The following CSMD3 variants were observed in gnomAD, a reference collection of about 807,000 sequenced individuals.
The protein encoded by CSMD3 is CUB and sushi domain-containing protein 3.
In CSMD3, 177 loss-of-function variants were observed where a neutral mutation model predicts 435.2. The ratio of observed to expected loss-of-function variants is 0.41; its 90% CI spans 0.36 to 0.46. CSMD3 has a LOEUF of 0.46. Among genes scored for constraint, CSMD3 ranks in the 20% least tolerant of loss-of-function variants. CSMD3 has a pLI of 0.34. For missense variants in CSMD3, 4,265 were observed against 4,504.6 expected (o/e 0.95, Z 1.52); for synonymous variants, 1,656 against 1,520.5 (o/e 1.09, Z -2.07).
At chr8:112,964,977 C>A (rs569779589) in intron 7 of CSMD3, among the ~76,000 whole-genome samples, 76 of 152,028 alleles carry the variant, frequency 5.0e-4, no homozygotes, top group South Asian at 3.7e-3. Flanking sequence ...TTTCACTCTG[C>A]GCACAGCAGG....
intron 28 of CSMD3, among the ~76,000 whole-genome samples, chr8:112,514,149 T>G (rs1447564159): frequency 6.6e-6 from 1 of 152,140 alleles, no homozygotes; most frequent in African/African-American, 2.4e-5. Context: ...CATCTTAGCC[T>G]CCTGAGTAGC....
intron 61 of CSMD3, 142 bp downstream of exon 61, chr8:112,263,497 T>C (rs550738291): frequency 1.5e-6 from 1 of 686,864 alleles, no homozygotes; most frequent in African/African-American, 1.8e-5. Flanking sequence ...ATGACTTAAT[T>C]ACATGAAAAG....
At chr8:112,395,434 A>G (rs1447450189) in intron 35 of CSMD3, among the ~76,000 whole-genome samples, 1 of 152,186 alleles carries the variant, frequency 6.6e-6, no homozygotes, top group Non-Finnish European at 1.5e-5. Flanking sequence ...GGATAAATGA[A>G]TGAGATGGAG....
At chr8:112,853,267 C>G (rs994427450) in intron 11 of CSMD3, among the ~76,000 whole-genome samples, 1 of 151,972 alleles carries the variant, frequency 6.6e-6, no homozygotes, top group Non-Finnish European at 1.5e-5. Flanking sequence ...ACTCCGTTGC[C>G]CAGGCTGGAG....
chr8:113,040,006 T>C (rs908304337), intron 5 of CSMD3, among the ~76,000 whole-genome samples: 1 of 152,062 alleles, frequency 6.6e-6, no homozygotes, highest in Non-Finnish European at 1.5e-5. Flanking sequence ...AAAATAAACA[T>C]GAAGTAGTAA....
intron 9 of CSMD3, among the ~76,000 whole-genome samples, chr8:112,937,856 T>C (rs994395504): frequency 1.1e-4 from 16 of 152,096 alleles, no homozygotes; most frequent in Non-Finnish European, 5.9e-5. Context: ...CTTAAGCATC[T>C]AAACATTTTT....
rs1286315509 is a variant in CSMD3 at position 112,999,128 on chromosome 8, T to C, written c.1030+19939A>G. ...CCTCTACTCACTCAGCATATAGCAGTGTACAAAAGAGTCAGATATCCCTGT... is the reference window on the plus strand; with the variant it reads ...CCTCTACTCACTCAGCATATAGCAGCGTACAAAAGAGTCAGATATCCCTGT... On this transcript the variant is annotated intron_variant, in intron 6 of 70. Transcript: ENST00000297405. Among the ~76,000 whole-genome samples, 22 of 151,854 alleles carry C rather than the reference T, an allele frequency of 1.4e-4. No homozygotes were observed. The Admixed American group carries it at 1.5e-3, about 10-fold the overall frequency.
chr8:112,311,507 A>G (rs1339106289), intron 49 of CSMD3, among the ~76,000 whole-genome samples: 2 of 152,204 alleles, frequency 1.3e-5, no homozygotes, highest in African/African-American at 4.8e-5. Context: ...CATTTGAGGG[A>G]CCTATATGCC....
intron 1 of CSMD3, among the ~76,000 whole-genome samples, chr8:113,338,451 T>C (rs1444651821): frequency 6.6e-6 from 1 of 151,954 alleles, no homozygotes; most frequent in Non-Finnish European, 1.5e-5. Context: ...ATAGTAGCAT[T>C]ATTTATAGGA....
intron 5 of CSMD3, among the ~76,000 whole-genome samples, chr8:113,085,183 CTATT>C (rs1400359866): frequency 2.6e-5 from 4 of 151,750 alleles, no homozygotes; most frequent in Admixed American, 6.6e-5. Flanking sequence ...TATTTTAAAA[CTATT>C]TATCCACAAA....
At chr8:112,258,814 C>T (rs924691486) in intron 61 of CSMD3, among the ~76,000 whole-genome samples, 6 of 152,038 alleles carry the variant, frequency 3.9e-5, no homozygotes, top group Admixed American at 3.9e-4. Flanking sequence ...CCAAGGCGGG[C>T]GGATCACAAC....
intron 1 of CSMD3, among the ~76,000 whole-genome samples, chr8:113,340,380 A>G (rs2094110070): frequency 6.6e-6 from 1 of 152,138 alleles, no homozygotes; most frequent in Non-Finnish European, 1.5e-5. Flanking sequence ...CACCCAGAAG[A>G]CATAAATACT....
intron 6 of CSMD3, among the ~76,000 whole-genome samples, chr8:112,995,480 G>A (rs1457698131): frequency 1.3e-5 from 2 of 151,278 alleles, no homozygotes; most frequent in Non-Finnish European, 3.0e-5. Context: ...GAGTTTTAAC[G>A]TTTCGCACCA....
intron 1 of CSMD3, among the ~76,000 whole-genome samples, chr8:113,326,984 G>T (rs2093988609): frequency 6.6e-6 from 1 of 152,168 alleles, no homozygotes; most frequent in Non-Finnish European, 1.5e-5. Flanking sequence ...ACCTAAGTTT[G>T]AAAGTTTGAG....
chr8:112,611,001 T>A (rs1833213077), intron 22 of CSMD3, among the ~76,000 whole-genome samples: 1 of 152,198 alleles, frequency 6.6e-6, no homozygotes, highest in African/African-American at 2.4e-5. Flanking sequence ...CAATAACTCT[T>A]GGAAAATGTG....
At chr8:112,899,599 T>TTTTA (rs1408000968) in intron 10 of CSMD3, among the ~76,000 whole-genome samples, 1 of 100,026 alleles carries the variant, frequency 1.0e-5, no homozygotes, top group African/African-American at 3.7e-5. Flanking sequence ...CTTGTCTATT[T>TTTTA]TATATATATA....
At chr8:112,781,862 C>T (rs972810003) in intron 13 of CSMD3, among the ~76,000 whole-genome samples, 2 of 152,146 alleles carry the variant, frequency 1.3e-5, no homozygotes, top group African/African-American at 2.4e-5. Flanking sequence ...AGATTTATAG[C>T]GTTACTGGGC....
intron 24 of CSMD3, among the ~76,000 whole-genome samples, chr8:112,562,020 G>A (rs1410099300): frequency 4.0e-5 from 6 of 151,634 alleles, no homozygotes; most frequent in Non-Finnish European, 5.9e-5. Flanking sequence ...CTATGAAAAT[G>A]CTATACTTCT....
At chr8:113,296,627 G>T (rs1464564000) in intron 2 of CSMD3, among the ~76,000 whole-genome samples, 1 of 152,068 alleles carries the variant, frequency 6.6e-6, no homozygotes, top group Non-Finnish European at 1.5e-5. Flanking sequence ...TTCTAGAAGG[G>T]ATTTTCATGA....
Sources: gnomAD v4.1 joint callset for allele counts (sites outside exome capture counted in the v4.1 genomes callset) on GRCh38, gnomAD v4.1.1 for gene constraint, MANE v1.5 for transcripts, NCBI Gene and HGNC (gene_info 2026-07-23, HGNC 2026-07-21) for gene names.